ARHGAP29: variants seen among roughly 807,000 people sequenced by gnomAD.
ARHGAP29 encodes the protein rho GTPase-activating protein 29.
In ARHGAP29, 43 loss-of-function variants were observed where a neutral mutation model predicts 122.6. That is an observed-to-expected ratio of 0.35 (90% CI 0.27 to 0.45). The LOEUF is 0.45. ARHGAP29 is among the 20% of genes least tolerant of loss of function. ARHGAP29 has a pLI of 1.00. For synonymous variants in ARHGAP29, 506 were observed against 497.1 expected (o/e 1.02, Z -0.24); for missense variants, 1,303 against 1,477.2 (o/e 0.88, Z 1.93).
At chr1:94,234,275 T>C (rs926311550) in intron 1 of ARHGAP29, among the ~76,000 whole-genome samples, 1 of 152,264 alleles carries the variant, frequency 6.6e-6, no homozygotes, top group Non-Finnish European at 1.5e-5. Context: ...TACTTAGAAC[T>C]ATCTGCAGAT....
Position 94,174,711 on chromosome 1 carries a change from C to T in ARHGAP29, c.2944G>A (p.Ala982Thr). ...TTACCATCTTCTATCTTTTGGGATG[C>T]TGATTCAGCCTCTTGGTCTAGAAGC... ...QLLLDQEAESASQKIEDGKTP... is the reference protein window; with the variant it reads ...QLLLDQEAESTSQKIEDGKTP... The change falls in exon 23 of 23, where the codon GCA becomes ACA. Residue 982 changes from alanine to threonine, a missense_variant. Around this residue, in one of 3 missense-constraint regions of ARHGAP29, gnomAD observed 620 missense variants for 651.2 expected, o/e 0.95. Coordinates refer to ENST00000260526, the MANE Select transcript of ARHGAP29 (RefSeq NM_004815.4). The T allele has an allele frequency of 6.2e-7, 1 of 1,614,000 alleles. No homozygotes were observed. Among genetic ancestry groups the T allele is most frequent in the South Asian group, 1.1e-5 (1 of 91,048 alleles).
upstream of ARHGAP29, among the ~76,000 whole-genome samples, chr1:94,238,668 G>T (rs1165762834): frequency 6.6e-6 from 1 of 151,996 alleles, no homozygotes; most frequent in Non-Finnish European, 1.5e-5. Context: ...AGGAAAACTG[G>T]AAAGAAAATG....
chr1:94,300,257 G>T, the ARHGAP29 span, among the ~76,000 whole-genome samples: 1 of 152,174 alleles, frequency 6.6e-6, no homozygotes, highest in Non-Finnish European at 1.5e-5. Context: ...TACATGAGCA[G>T]AGTCACAGAG....
At chr1:94,303,486 C>T in the ARHGAP29 span, among the ~76,000 whole-genome samples, 3 of 152,186 alleles carry the variant, frequency 2.0e-5, no homozygotes, top group East Asian at 1.9e-4. Flanking sequence ...TGGAGATGGA[C>T]GGTGGTGATG....
At chr1:94,177,489 T>G (rs1275234635) in intron 22 of ARHGAP29, 123 bp downstream of exon 22, 27 of 629,674 alleles carry the variant, frequency 4.3e-5, no homozygotes, top group Non-Finnish European at 6.4e-5. Flanking sequence ...TAGCCAAGAT[T>G]TGTTAACTAA....
At chr1:94,247,517 G>C (rs1313771608) in intron 1 of ARHGAP29, among the ~76,000 whole-genome samples, 3 of 151,232 alleles carry the variant, frequency 2.0e-5, no homozygotes, top group Non-Finnish European at 4.4e-5. Flanking sequence ...CCCCAGCCCG[G>C]AGCCACCACC....
At chr1:94,294,220 TC>T in the ARHGAP29 span, among the ~76,000 whole-genome samples, 2 of 152,104 alleles carry the variant, frequency 1.3e-5, no homozygotes, top group East Asian at 3.9e-4. Context: ...TGGGTATTGG[TC>T]AGACATGCAG....
At chr1:94,203,771 A>G (rs1651016001) in intron 8 of ARHGAP29, among the ~76,000 whole-genome samples, 159 bp downstream of exon 8, 1 of 152,206 alleles carries the variant, frequency 6.6e-6, no homozygotes, top group African/African-American at 2.4e-5. Flanking sequence ...AGATTTTTTC[A>G]TAATGGACAT....
At chr1:94,219,161 C>G (rs1652128614) in intron 3 of ARHGAP29, among the ~76,000 whole-genome samples, 1 of 152,166 alleles carries the variant, frequency 6.6e-6, no homozygotes, top group Non-Finnish European at 1.5e-5. Flanking sequence ...TCTCTGATTG[C>G]TACATCACTG....
At chr1:94,199,062 T>G (rs1260051623) in intron 12 of ARHGAP29, among the ~76,000 whole-genome samples, 1 of 151,454 alleles carries the variant, frequency 6.6e-6, no homozygotes, top group African/African-American at 2.4e-5. Flanking sequence ...GGACACAGGG[T>G]GGGGAACATC....
the ARHGAP29 span, among the ~76,000 whole-genome samples, chr1:94,287,952 G>T: frequency 6.6e-6 from 1 of 152,032 alleles, no homozygotes; most frequent in Admixed American, 6.6e-5. Context: ...GAATAGTCCC[G>T]CAATAAACAT....
chr1:94,213,470 C>T (rs1426397541), intron 3 of ARHGAP29, among the ~76,000 whole-genome samples: 2 of 152,214 alleles, frequency 1.3e-5, no homozygotes, highest in Non-Finnish European at 2.9e-5. Flanking sequence ...GCGTGAGCCA[C>T]CGCACCCGGC....
chr1:94,307,225 C>T, the ARHGAP29 span, among the ~76,000 whole-genome samples: 1 of 152,164 alleles, frequency 6.6e-6, no homozygotes, highest in Non-Finnish European at 1.5e-5. Flanking sequence ...TGAAAATCAC[C>T]TAAACTGCAG....
At chr1:94,235,196 G>C (rs1653178882) in intron 1 of ARHGAP29, among the ~76,000 whole-genome samples, 1 of 151,980 alleles carries the variant, frequency 6.6e-6, no homozygotes, top group South Asian at 2.1e-4. Context: ...AGTAAAAAAA[G>C]GAAACATTAC....
chr1:94,235,984 T>C (rs747439495), intron 1 of ARHGAP29, among the ~76,000 whole-genome samples: 1 of 152,230 alleles, frequency 6.6e-6, no homozygotes, highest in Non-Finnish European at 1.5e-5. Context: ...ATACTTACTA[T>C]TTCCCATTCT....
chr1:94,309,752 T>C, the ARHGAP29 span, among the ~76,000 whole-genome samples: 1 of 152,146 alleles, frequency 6.6e-6, no homozygotes, highest in Non-Finnish European at 1.5e-5. Flanking sequence ...TTCGAAGACA[T>C]GAGAGTCAAT....
At chr1:94,312,990 C>T in the ARHGAP29 span, among the ~76,000 whole-genome samples, 24 of 152,116 alleles carry the variant, frequency 1.6e-4, no homozygotes, top group Admixed American at 6.6e-4. Context: ...CAGTATGGGC[C>T]CCTTCCCTGT....
intron 3 of ARHGAP29, among the ~76,000 whole-genome samples, chr1:94,213,807 A>T (rs1379675578): frequency 3.9e-5 from 6 of 152,248 alleles, no homozygotes; most frequent in Non-Finnish European, 7.3e-5. Context: ...ACTGTTGTGA[A>T]GATTAAATGA....
the ARHGAP29 span, among the ~76,000 whole-genome samples, chr1:94,312,921 C>T: frequency 6.6e-6 from 1 of 152,200 alleles, no homozygotes; most frequent in Non-Finnish European, 1.5e-5. Flanking sequence ...TCAGCCATAT[C>T]TCATTTGGTC....
Sources: allele counts gnomAD v4.1 joint callset (sites outside exome capture counted in the v4.1 genomes callset), GRCh38; gene constraint gnomAD v4.1.1; regional missense constraint gnomAD v4.1.1; transcripts MANE v1.5; gene names NCBI Gene and HGNC (gene_info 2026-07-23, HGNC 2026-07-21).